EPHA10: variants seen among roughly 807,000 people sequenced by gnomAD.
EPHA10 encodes the protein EPH receptor A10.
Under a neutral mutation model 109.7 loss-of-function variants are expected in EPHA10, and 120 were observed. That is an observed-to-expected ratio of 1.09 (90% CI 0.94 to 1.27). The LOEUF is 1.27. Ranked by LOEUF, EPHA10 falls within the 50% of genes most tolerant of loss-of-function variation. The pLI, the probability that EPHA10 is intolerant of heterozygous loss-of-function variation, is 0.00. For synonymous variants in EPHA10, 640 were observed against 618.9 expected (o/e 1.03, Z -0.51); for missense variants, 1,396 against 1,411.1 (o/e 0.99, Z 0.17).
intron 1 of EPHA10, among the ~76,000 whole-genome samples, chr1:37,763,903 C>T (rs1054738382): frequency 1.3e-5 from 2 of 152,188 alleles, no homozygotes; most frequent in African/African-American, 4.8e-5. Context: ...GCTGTCACTT[C>T]CACTGCTTTT....
intron 5 of EPHA10, among the ~76,000 whole-genome samples, chr1:37,739,238 T>A (rs1235245649): frequency 6.6e-6 from 1 of 152,060 alleles, no homozygotes; most frequent in African/African-American, 2.4e-5. Flanking sequence ...AGAAGAAAAT[T>A]CTGTTATATG....
intron 5 of EPHA10, among the ~76,000 whole-genome samples, chr1:37,746,988 TG>T (rs1284684137): frequency 6.6e-6 from 1 of 152,228 alleles, no homozygotes; most frequent in Non-Finnish European, 1.5e-5. Flanking sequence ...GAGTGACTAA[TG>T]GGTTTCCTTT....
At chr1:37,714,066 C>A (rs915074731), downstream of EPHA10, 2 of 152,136 alleles carry the variant, frequency 1.3e-5, no homozygotes, top group Admixed American at 1.3e-4. Flanking sequence ...CTCCAGTTAG[C>A]CTTATCAAAG....
chr1:37,722,268 C>T, intron 10 of EPHA10: 1 of 246,770 alleles, frequency 4.1e-6, no homozygotes, highest in South Asian at 4.5e-5. Context: ...TTCCTCTCTG[C>T]CTTCCTCAGT....
intron 5 of EPHA10, among the ~76,000 whole-genome samples, chr1:37,743,562 A>G (rs538959): frequency 0.34 from 51,519 of 151,886 alleles, 8,746 homozygotes; most frequent in East Asian, 0.47. Context: ...AGAAGGAACC[A>G]CAACTGAATA....
At chr1:37,737,923 A>G (rs912688873) in intron 5 of EPHA10, 1 of 139,166 alleles carries the variant, frequency 7.2e-6, no homozygotes, top group African/African-American at 2.6e-5. Context: ...AAGACCAAAT[A>G]ACTGTAGGCT....
chr1:37,719,396 T>A lies in EPHA10; in HGVS notation c.2756+18A>T. The A allele has an allele frequency of 6.2e-7, 1 of 1,605,498 alleles. No homozygotes were observed. The highest frequency in any genetic ancestry group is 1.3e-5 in the African/African-American group (1 of 74,976). On this transcript the variant is annotated intron_variant, in intron 15 of 16. Coordinates refer to ENST00000373048, the MANE Select transcript of EPHA10 (RefSeq NM_001099439.2). Reference sequence around the variant, plus strand: ...CCACGGACAGGTGAGAGGCTGGCTGTCCCATGTGGGAACGTACCTGGGACA... The same window carrying A: ...CCACGGACAGGTGAGAGGCTGGCTGACCCATGTGGGAACGTACCTGGGACA...
chr1:37,743,273 A>T (rs1646182810), intron 5 of EPHA10, among the ~76,000 whole-genome samples: 1 of 152,114 alleles, frequency 6.6e-6, no homozygotes, highest in Non-Finnish European at 1.5e-5. Flanking sequence ...TATGATAGAG[A>T]GTAAGTAAAA....
intron 2 of EPHA10, among the ~76,000 whole-genome samples, chr1:37,762,546 T>C (rs1646442545): frequency 6.6e-6 from 1 of 152,134 alleles, no homozygotes; most frequent in Non-Finnish European, 1.5e-5. Context: ...GATGCCACAT[T>C]TCTGTTCCTA....
At chr1:37,720,138 G>C in intron 13 of EPHA10, 80 bp from the exon 14 acceptor site, 1 of 1,551,824 alleles carries the variant, frequency 6.4e-7, no homozygotes, top group Non-Finnish European at 8.7e-7. Context: ...CCCAGATCCA[G>C]CCTGCATGTC....
rs1303256514 is a variant in EPHA10, at chr1:37,720,575, G to A, written c.2209-21C>T. ...TGCCGCTGTGGAGGGAGAAGACTGA[G>A]GCCAGGGCTGTGCGCTTGGATCCCC... On this transcript the variant is annotated intron_variant, in intron 12 of 16. Transcript: ENST00000373048. 2.5e-6 allele frequency: 4 copies of A among 1,598,648 alleles called. No homozygotes were observed. In the South Asian group the frequency reaches 4.5e-5, roughly 18 times the overall value.
At chr1:37,721,369 A>C (rs1219586689) in intron 11 of EPHA10, among the ~76,000 whole-genome samples, 4 of 148,400 alleles carry the variant, frequency 2.7e-5, no homozygotes, top group African/African-American at 1.0e-4. Context: ...CAGAGCTTGC[A>C]GTGAGCCGAG....
intron 11 of EPHA10, among the ~76,000 whole-genome samples, chr1:37,721,321 G>A (rs187111714): frequency 2.4e-4 from 36 of 151,162 alleles, no homozygotes; most frequent in African/African-American, 7.0e-4. Context: ...CCAGCTGCTC[G>A]GGAGGCTGAG....
At position 37,764,363 on chromosome 1, in the gene EPHA10, T is replaced by C. The variant is rs778528674; in HGVS notation, c.106+598A>G. On this transcript the variant is annotated intron_variant, in intron 1 of 16. Transcript: ENST00000373048. The surrounding 1 kb of genome is among the most constrained non-coding windows in gnomAD (Gnocchi z 5.8). ...GATTCAACTGAGCGTATAGCTCCCCTAAATGCACAATCAGAGGCAAGACGC... is the reference window on the plus strand; with the variant it reads ...GATTCAACTGAGCGTATAGCTCCCCCAAATGCACAATCAGAGGCAAGACGC... Among the ~76,000 whole-genome samples, 6 of 152,162 alleles carry C rather than the reference T, an allele frequency of 3.9e-5. No homozygotes were observed. The highest frequency in any genetic ancestry group is 8.8e-5 in the Non-Finnish European group (6 of 68,010).
At chr1:37,728,338 GGAGA>G (rs1645928456) in intron 7 of EPHA10, among the ~76,000 whole-genome samples, 1 of 152,182 alleles carries the variant, frequency 6.6e-6, no homozygotes, top group Non-Finnish European at 1.5e-5. Context: ...AGGGAGCAGT[GGAGA>G]GAGTTCCTGC....
At chr1:37,758,348 A>T (rs1646406819) in intron 3 of EPHA10, among the ~76,000 whole-genome samples, 1 of 152,026 alleles carries the variant, frequency 6.6e-6, no homozygotes, top group Admixed American at 6.5e-5. Context: ...TCTCAATCCA[A>T]TGTCCTCCTC....
chr1:37,758,521 A>T (rs1646408013), intron 3 of EPHA10, among the ~76,000 whole-genome samples: 3 of 152,094 alleles, frequency 2.0e-5, no homozygotes, highest in African/African-American at 4.8e-5. Flanking sequence ...CTAACCCTTG[A>T]CTTACCTGAC....
intron 7 of EPHA10, among the ~76,000 whole-genome samples, 195 bp downstream of exon 7, chr1:37,731,216 G>A (rs898270871): frequency 4.6e-5 from 7 of 152,114 alleles, no homozygotes; most frequent in African/African-American, 1.2e-4. Context: ...TCTAATTCAC[G>A]TCGGTGAACA....
rs920929542 is a variant in EPHA10 at position 37,737,396 on chromosome 1, A to G, written c.1358-2006T>C. Among the ~76,000 whole-genome samples the G allele has an allele frequency of 2.6e-5, 4 of 152,242 alleles. No homozygotes were observed. In the South Asian group the frequency reaches 8.3e-4, roughly 31 times the overall value. On this transcript the variant is annotated intron_variant, in intron 5 of 16. Transcript: ENST00000373048. Reference sequence around the variant, plus strand: ...ATTTCAAAGCTACAGTAATCAAAGCAATATGGTACAGACATATAGACCAAT... The same window carrying G: ...ATTTCAAAGCTACAGTAATCAAAGCGATATGGTACAGACATATAGACCAAT...
Sources: gnomAD v4.1 joint callset for allele counts (sites outside exome capture counted in the v4.1 genomes callset) on GRCh38, gnomAD v4.1.1 for gene constraint, Gnocchi (gnomAD v3.1) non-coding constraint, MANE v1.5 for transcripts, NCBI Gene and HGNC (gene_info 2026-07-23, HGNC 2026-07-21) for gene names.